The following MYO6 variants were observed in gnomAD, a reference collection of about 807,000 sequenced individuals.
The protein encoded by MYO6 is unconventional myosin-VI.
Under a neutral mutation model 178.7 loss-of-function variants are expected in MYO6, and 74 were observed. That is an observed-to-expected ratio of 0.41 (90% CI 0.34 to 0.50). The LOEUF is 0.50. MYO6 is among the 20% of genes least tolerant of loss of function. The pLI is 0.09. For synonymous variants in MYO6, 477 were observed against 504.6 expected (o/e 0.95, Z 0.73); for missense variants, 1,330 against 1,547.4 (o/e 0.86, Z 2.36).
chr6:75,784,572 G>A (rs1383103927), intron 1 of MYO6, among the ~76,000 whole-genome samples: 2 of 151,688 alleles, frequency 1.3e-5, no homozygotes, highest in African/African-American at 4.8e-5. Flanking sequence ...AGGAGATCGA[G>A]ACCATCCTGG....
At chr6:75,794,156 G>A (rs1472312856) in intron 1 of MYO6, among the ~76,000 whole-genome samples, 1 of 152,156 alleles carries the variant, frequency 6.6e-6, no homozygotes, top group East Asian at 1.9e-4. Flanking sequence ...ATAGGTAATA[G>A]AAGAGAAAAG....
rs766112973 is a variant in MYO6 at position 75,830,542 on chromosome 6, A to G, written c.388A>G (p.Ile130Val). The G allele has an allele frequency of 2.5e-6, 4 of 1,610,632 alleles. No individual in the cohort carries two copies. In the African/African-American group the frequency reaches 4.0e-5, roughly 16 times the overall value. The stretch of plus-strand genomic sequence containing the variant: ...GACAAGACCACCTCATGTCTTTGCA[A>G]TTGGTAAGTGATTTTAAATGTATTT... ...LGTRPPHVFA[I>V]ADKAFRDMKV... Residue 130 changes from isoleucine (I) to valine (V), a missense_variant, in exon 5 of 35, where the codon ATT (isoleucine) becomes GTT (valine). Ile to Val is a conservative substitution (Grantham distance 29). Transcript: ENST00000369977.
At position 75,874,210 on chromosome 6, in the gene MYO6, C is replaced by T. The variant is rs1269038732; in HGVS notation, c.2077+910C>T. Among the ~76,000 whole-genome samples, 6 of 152,038 alleles carry T rather than the reference C, an allele frequency of 3.9e-5. No individual in the cohort carries two copies. In the East Asian group the frequency reaches 1.2e-3, roughly 29 times the overall value. Reference sequence around the variant, plus strand: ...CTCTCCCCAACTATATAAGCTTCAGCCCCCGCCTCACAAATCTAGATCTAC... The same window carrying T: ...CTCTCCCCAACTATATAAGCTTCAGTCCCCGCCTCACAAATCTAGATCTAC... On this transcript the variant is annotated intron_variant, in intron 20 of 34. Transcript: ENST00000369977.
intron 1 of MYO6, among the ~76,000 whole-genome samples, chr6:75,782,507 T>G (rs903700336): frequency 1.3e-5 from 2 of 152,198 alleles, no homozygotes; most frequent in African/African-American, 4.8e-5. Flanking sequence ...GGTTTATACT[T>G]GAGTCATTTC....
At chr6:75,880,772 G>A (rs542846235) in intron 22 of MYO6, among the ~76,000 whole-genome samples, 6 of 152,156 alleles carry the variant, frequency 3.9e-5, no homozygotes, top group African/African-American at 1.2e-4. Flanking sequence ...ATAAGAAGCC[G>A]TTATATTGGT....
chr6:75,856,971 A>G, intron 12 of MYO6, 126 bp from the exon 13 acceptor site: 3 of 829,048 alleles, frequency 3.6e-6, no homozygotes, highest in Middle Eastern at 2.4e-4. Flanking sequence ...ATCTGTGCCT[A>G]TTCTCACATG....
rs529199951 is a variant in MYO6, at chr6:75,776,757, C to A, written c.-48+27334C>A. Among the ~76,000 whole-genome samples, 137 of 151,974 alleles carry A rather than the reference C, an allele frequency of 9.0e-4. 1 individual carries two copies. The highest frequency in any genetic ancestry group is 1.5e-3 in the Non-Finnish European group (99 of 68,022). On this transcript the variant is annotated intron_variant, in intron 1 of 34. Transcript: ENST00000369977. ...CAAATTCCTGGCCTCAAGCAATGCT[C>A]CCACTTTGGCCTCCCAAAGTGCTGA... is the stretch of plus-strand genomic sequence containing the variant.
intron 1 of MYO6, among the ~76,000 whole-genome samples, chr6:75,775,347 G>T (rs1325566383): frequency 6.6e-6 from 1 of 152,198 alleles, no homozygotes; most frequent in African/African-American, 2.4e-5. Context: ...TCTGGGTCAA[G>T]AACTTATACA....
At chr6:75,838,931 A>G (rs1773926656) in intron 7 of MYO6, among the ~76,000 whole-genome samples, 1 of 151,916 alleles carries the variant, frequency 6.6e-6, no homozygotes, top group Non-Finnish European at 1.5e-5. Context: ...AAGTGCTGGG[A>G]TTACAGGTGT....
In MYO6 at chr6:75,903,596, C is replaced by T. The variant is rs561295557; in HGVS notation, c.3177-4009C>T. ...ATTTGCTTCATAGATCTTCCTCCAT[C>T]CTTTTATTTTGAGCCTATGTGTGTC... On this transcript the variant is annotated intron_variant, in intron 30 of 34. Coordinates refer to ENST00000369977, the MANE Select transcript of MYO6 (RefSeq NM_004999.4). Among the ~76,000 whole-genome samples the T allele has an allele frequency of 1.2e-3, 179 of 152,220 alleles. 1 individual carries two copies. In the Middle Eastern group the frequency reaches 0.034, roughly 29 times the overall value.
intron 17 of MYO6, 82 bp downstream of exon 17, chr6:75,866,703 A>G: frequency 7.9e-7 from 1 of 1,265,472 alleles, no homozygotes; most frequent in Non-Finnish European, 1.2e-6. Flanking sequence ...TCACGTGGTT[A>G]TTAATTATTT....
In MYO6 at chr6:75,841,223, G is replaced by A. The variant is rs772058658; in HGVS notation, c.661G>A (p.Val221Ile). The change falls in exon 9 of 35, where the codon GTT (valine) becomes ATT (isoleucine). Residue 221 changes from valine to isoleucine, a missense_variant. Physicochemically the swap from Val to Ile is conservative, Grantham distance 29. Coordinates refer to ENST00000369977, the MANE Select transcript of MYO6 (RefSeq NM_004999.4). Reference sequence around the variant, plus strand: ...GTGTTTTGTTTTTTAGAGCTCAGTTGTTGGAGGATTTGTTTCACATTATCT... The same window carrying A: ...GTGTTTTGTTTTTTAGAGCTCAGTTATTGGAGGATTTGTTTCACATTATCT... The part of the protein sequence containing the change: ...EIHFNEKSSV[V>I]GGFVSHYLLE... The A allele has an allele frequency of 1.2e-6, 2 of 1,613,678 alleles. No individual in the cohort carries two copies. The highest frequency in any genetic ancestry group is 1.3e-5 in the African/African-American group (1 of 74,924).
At chr6:75,786,695 G>T (rs964406461) in intron 1 of MYO6, among the ~76,000 whole-genome samples, 1 of 152,260 alleles carries the variant, frequency 6.6e-6, no homozygotes, top group Non-Finnish European at 1.5e-5. Context: ...CCTTTACCCA[G>T]ATTTCTCAGA....
intron 23 of MYO6, among the ~76,000 whole-genome samples, chr6:75,883,390 A>C (rs1778195382): frequency 6.6e-6 from 1 of 152,132 alleles, no homozygotes; most frequent in African/African-American, 2.4e-5. Context: ...TACCACGAAT[A>C]ATAGGTGCTT....
intron 20 of MYO6, among the ~76,000 whole-genome samples, chr6:75,873,908 A>G: frequency 6.6e-6 from 1 of 152,152 alleles, no homozygotes; most frequent in East Asian, 1.9e-4. Flanking sequence ...TTGCTCAGGC[A>G]CCAGGCTTGC....
intron 10 of MYO6, 58 bp downstream of exon 10, chr6:75,845,035 A>T: frequency 7.3e-7 from 1 of 1,375,964 alleles, no homozygotes; most frequent in Non-Finnish European, 1.0e-6. Flanking sequence ...ATGCTGAAAG[A>T]TGTGTTATAA....
chr6:75,757,263 A>C (rs972637532), intron 1 of MYO6, among the ~76,000 whole-genome samples: 7 of 148,580 alleles, frequency 4.7e-5, no homozygotes, highest in African/African-American at 1.7e-4. Context: ...GTGTGTATAT[A>C]TGTATATAGA....
intron 32 of MYO6, among the ~76,000 whole-genome samples, chr6:75,909,503 A>G (rs1011091922): frequency 5.3e-5 from 8 of 152,340 alleles, no homozygotes; most frequent in Middle Eastern, 3.4e-3. Context: ...GGGATCCTGA[A>G]CATGGATTTT....
intron 3 of MYO6, among the ~76,000 whole-genome samples, chr6:75,826,665 C>T (rs1179125970): frequency 6.6e-6 from 1 of 152,074 alleles, no homozygotes; most frequent in Non-Finnish European, 1.5e-5. Context: ...CATACCCAAA[C>T]CAGATATATT....
Sources: gnomAD v4.1 joint callset for allele counts (sites outside exome capture counted in the v4.1 genomes callset) on GRCh38, gnomAD v4.1.1 for gene constraint, MANE v1.5 for transcripts, NCBI Gene and HGNC (gene_info 2026-07-23, HGNC 2026-07-21) for gene names.